Variants in ZNF687 observed in about 807,000 individuals in gnomAD.
ZNF687 encodes zinc finger protein 687.
Under a neutral mutation model 71.8 loss-of-function variants are expected in ZNF687, and 13 were observed. That is an observed-to-expected ratio of 0.18 (90% CI 0.12 to 0.29). The LOEUF is 0.29. Ranked by LOEUF, ZNF687 falls within the 10% of genes least tolerant of loss-of-function variation. The probability of loss-of-function intolerance (pLI) is 1.00; values close to 1 mark genes in which losing one functional copy is unlikely to be tolerated. For missense variants in ZNF687, 1,412 were observed against 1,625.6 expected, an observed-to-expected ratio of 0.87 and a Z score of 2.26; for synonymous variants, 673 against 641.6, an observed-to-expected ratio of 1.05 and a Z score of -0.74.
Position 151,287,482 on chromosome 1 carries a change from A to G in ZNF687, c.1191A>G (p.Lys397=). ...AGTTGGGTGATGGTACAAGGCTGAAAGGCACTGTGCTGCCTGTGGCCACCA... is the reference window on the plus strand; with the variant it reads ...AGTTGGGTGATGGTACAAGGCTGAAGGGCACTGTGCTGCCTGTGGCCACCA... The part of the protein sequence containing the change: ...SVQLGDGTRL[K]GTVLPVATIQ... Residue 397 remains lysine (K), a synonymous_variant, in exon 2 of 9, where the codon AAA becomes AAG. Coordinates refer to ENST00000336715, the MANE Select transcript of ZNF687 (RefSeq NM_020832.3). The surrounding 1 kb of genome is among the most constrained non-coding windows in gnomAD (Gnocchi z 5.0). The G allele has an allele frequency of 1.2e-6, 2 of 1,614,136 alleles. No individual in the cohort carries two copies. The highest frequency in any genetic ancestry group is 1.7e-6 in the Non-Finnish European group (2 of 1,180,034).
chr1:151,288,830 T>C, intron 3 of ZNF687, 124 bp downstream of exon 3: 1 of 1,257,338 alleles, frequency 8.0e-7, no homozygotes, highest in Admixed American at 2.4e-5. Context: ...TTTGCCAGAC[T>C]CAACCCTGAG....
chr1:151,288,172 T>C lies in ZNF687; in HGVS notation c.1881T>C (p.Pro627=). The stretch of plus-strand genomic sequence containing the variant: ...TAGCTGTCCCACCTGTCTCTGGACC[T>C]CTGGCCTTGCCTGCCTTGGGCAAGG... ...LPVAVPPVSG[P]LALPALGKGE... Residue 627 remains proline (P), a synonymous_variant, in exon 2 of 9, where the codon CCT becomes CCC. Transcript: ENST00000336715. 6.2e-7 allele frequency: 1 copy of C among 1,613,864 alleles called. No homozygotes were observed. Among genetic ancestry groups the C allele is most frequent in the East Asian group, 2.2e-5 (1 of 44,880 alleles).
chr1:151,282,379 C>T lies in ZNF687; in HGVS notation c.-34C>T, dbSNP rs1693746787. ...GTAGAGACCGCCGGGTCTCGGCCCG[C>T]ACCAGGAGCGGAACAAGTAAGCGTG... On this transcript the variant is annotated 5_prime_UTR_variant, in exon 1 of 9. Coordinates refer to ENST00000336715, the MANE Select transcript of ZNF687 (RefSeq NM_020832.3). 1.1e-5 allele frequency: 11 copies of T among 990,176 alleles called. No homozygotes were observed. Among genetic ancestry groups the T allele is most frequent in the Non-Finnish European group, 1.3e-5 (11 of 831,744 alleles). 61.3% of individuals were successfully genotyped at this position (990,176 alleles called of 1,614,324 possible). A position where few individuals can be genotyped will look rare whatever the true frequency, so the allele number is the denominator to read the frequency against.
rs149043825 is a variant in ZNF687, at chr1:151,287,152, A to C, written c.861A>C (p.Glu287Asp). Reference sequence around the variant, plus strand: ...CCGTCTGTCAGCCCTTGAAGGAAGAAGATGATGATGAGGGGCCAGTGGACA... The same window carrying C: ...CCGTCTGTCAGCCCTTGAAGGAAGACGATGATGATGAGGGGCCAGTGGACA... ...KVPVCQPLKE[E>D]DDDEGPVDKS... The change falls in exon 2 of 9, where the codon GAA becomes GAC. Residue 287 changes from glutamate to aspartate, a missense_variant. Glu to Asp is a conservative substitution (Grantham distance 45). Around this residue, in one of 8 missense-constraint regions of ZNF687, gnomAD observed 490 missense variants for 489.9 expected, o/e 1.00. Coordinates refer to ENST00000336715, the MANE Select transcript of ZNF687 (RefSeq NM_020832.3). This position sits in a 1 kb window ranked among gnomAD's most constrained non-coding sequence, Gnocchi z 5.0. The C allele has an allele frequency of 6.2e-7, 1 of 1,614,024 alleles. No individual in the cohort carries two copies. Among genetic ancestry groups the C allele is most frequent in the African/African-American group, 1.3e-5 (1 of 74,920 alleles).
At chr1:151,283,769 G>C (rs1404591522) in intron 1 of ZNF687, 4 of 923,492 alleles carry the variant, frequency 4.3e-6, no homozygotes, top group Non-Finnish European at 5.2e-6. Flanking sequence ...TAGGGTGGGG[G>C]TGAGGGGAGG....
chr1:151,285,982 A>G, intron 1 of ZNF687: 1 of 218,848 alleles, frequency 4.6e-6, no homozygotes, highest in Non-Finnish European at 8.9e-6. Context: ...AAACGCTGGG[A>G]TTACAAGCAT....
In ZNF687 at chr1:151,290,567, A is replaced by G. The variant is rs770255658; in HGVS notation, c.3213A>G (p.Arg1071=). ...CCTTGGCTCGGGGTTCCAGTGCCAG[A>G]GCCCAGGTAGGCAGAGGCCCGGCCT... The part of the protein sequence containing the change: ...GTTLARGSSA[R]AQGPGRKRRQ... Residue 1071 remains arginine (R), a synonymous_variant, in exon 8 of 9, where the codon AGA becomes AGG. Transcript: ENST00000336715. The G allele has an allele frequency of 1.3e-5, 21 of 1,613,076 alleles. No homozygotes were observed. Among genetic ancestry groups the G allele is most frequent in the Non-Finnish European group, 1.7e-5 (20 of 1,179,686 alleles).
In ZNF687 at chr1:151,286,346, C is replaced by G. The variant is rs753727185; in HGVS notation, c.55C>G (p.Pro19Ala). The change falls in exon 2 of 9, where the codon CCT (proline) becomes GCT (alanine). Residue 19 changes from proline to alanine, a missense_variant. Coordinates refer to ENST00000336715, the MANE Select transcript of ZNF687 (RefSeq NM_020832.3). ...FDDLLAAFDI[P>A]DIDANEAIHS... ...TGACCTCCTTGCTGCCTTTGACATC[C>G]CTGACATTGATGCGAATGAAGCCAT... 6.2e-7 allele frequency: 1 copy of G among 1,600,824 alleles called. No homozygotes were observed. The highest frequency in any genetic ancestry group is 1.1e-5 in the South Asian group (1 of 88,908).
At chr1:151,288,507 C>T (rs200047835) in intron 2 of ZNF687, 21 bp from the exon 3 acceptor site, 10 of 1,586,024 alleles carry the variant, frequency 6.3e-6, no homozygotes, top group Non-Finnish European at 8.6e-6. Context: ...ACCGACTTTC[C>T]TTGTTTAACC....
At chr1:151,282,641 C>A (rs1693764969) in intron 1 of ZNF687, among the ~76,000 whole-genome samples, 1 of 152,174 alleles carries the variant, frequency 6.6e-6, no homozygotes, top group African/African-American at 2.4e-5. Flanking sequence ...CAGGTCCTGG[C>A]GCCCCCGGCT....
chr1:151,291,346 A>C lies in ZNF687; in HGVS notation c.*137A>C. ...CTGTCTCTCCAACCTGAAGAAGAAG[A>C]GCATTTGAGGATTATTCTAGTTATT... is the stretch of plus-strand genomic sequence containing the variant. On this transcript the variant is annotated 3_prime_UTR_variant, in exon 9 of 9. Transcript: ENST00000336715. The C allele has an allele frequency of 8.2e-7, 1 of 1,216,086 alleles. No homozygotes were observed. The highest frequency in any genetic ancestry group is 1.5e-5 in the African/African-American group (1 of 65,434). The allele number at this position is 1,216,086 out of a possible 1,614,324, so 75.3% of individuals were successfully genotyped here.
chr1:151,282,012 G>A, upstream of ZNF687: 2 of 1,250,966 alleles, frequency 1.6e-6, no homozygotes, highest in Non-Finnish European at 2.1e-6. Context: ...AGCGACAGTG[G>A]CGGAGGCCAA....
chr1:151,287,727 C>T lies in ZNF687; in HGVS notation c.1436C>T (p.Ala479Val). 1.2e-6 allele frequency: 2 copies of T among 1,613,868 alleles called. No homozygotes were observed. The highest frequency in any genetic ancestry group is 2.2e-5 in the South Asian group (2 of 91,056). Residue 479 changes from alanine to valine, a missense_variant, in exon 2 of 9, where the codon GCT becomes GTT. Coordinates refer to ENST00000336715, the MANE Select transcript of ZNF687 (RefSeq NM_020832.3). The surrounding 1 kb of genome is among the most constrained non-coding windows in gnomAD (Gnocchi z 5.0). ...GTGATGGTGCAACCTTCAAAGACAGCTACTGGGCCAAGTACAGGGGGCGGC... is the reference window on the plus strand; with the variant it reads ...GTGATGGTGCAACCTTCAAAGACAGTTACTGGGCCAAGTACAGGGGGCGGC... ...SVVMVQPSKT[A>V]TGPSTGGGTV...
In ZNF687 at chr1:151,287,520, G is replaced by A; in HGVS notation, c.1229G>A (p.Ser410Asn). 6.2e-7 allele frequency: 1 copy of A among 1,614,166 alleles called. No homozygotes were observed. The highest frequency in any genetic ancestry group is 8.5e-7 in the Non-Finnish European group (1 of 1,180,038). Reference sequence around the variant, plus strand: ...CCTGTGGCCACCATCCAGAACGCCAGTACTGCCATGCTGATGGCAGCCAGT... The same window carrying A: ...CCTGTGGCCACCATCCAGAACGCCAATACTGCCATGCTGATGGCAGCCAGT... The part of the protein sequence containing the change: ...VLPVATIQNA[S>N]TAMLMAASVA... The change falls in exon 2 of 9, where the codon AGT (serine) becomes AAT (asparagine). Residue 410 changes from serine (S) to asparagine (N), a missense_variant. Coordinates refer to ENST00000336715, the MANE Select transcript of ZNF687 (RefSeq NM_020832.3). This position sits in a 1 kb window ranked among gnomAD's most constrained non-coding sequence, Gnocchi z 5.0.
intron 1 of ZNF687, among the ~76,000 whole-genome samples, chr1:151,284,773 G>C (rs1048020820): frequency 7.0e-6 from 1 of 143,568 alleles, no homozygotes; most frequent in Non-Finnish European, 1.5e-5. Flanking sequence ...ATGATACATA[G>C]ATCACTTGTG....
At chr1:151,282,081 T>A (rs777568586), upstream of ZNF687, 5 of 1,284,084 alleles carry the variant, frequency 3.9e-6, no homozygotes, top group South Asian at 2.5e-5. Context: ...TGGGGAGAGG[T>A]ATCTTCAGAG....
rs587706607 is a variant in ZNF687 at position 151,288,530 on chromosome 1, G to A, written c.2118G>A (p.Val706=). 2.5e-6 allele frequency: 4 copies of A among 1,602,254 alleles called. No individual in the cohort carries two copies. In the African/African-American group the frequency reaches 4.0e-5, roughly 16 times the overall value. The part of the protein sequence containing the change: ...GPPAPGATSN[V]CPTCPMMLPN... ...TCCTTGTTTAACCCACTCGACAGGT[G>A]TGCCCAACCTGCCCCATGATGCTCC... is the stretch of plus-strand genomic sequence containing the variant. Residue 706 remains valine, a splice_region_variant and synonymous_variant, in exon 3 of 9, where the codon GTG becomes GTA. Transcript: ENST00000336715.
intron 1 of ZNF687, among the ~76,000 whole-genome samples, chr1:151,282,843 C>T (rs769360677): frequency 5.2e-4 from 79 of 152,274 alleles, no homozygotes; most frequent in Non-Finnish European, 1.0e-3. Flanking sequence ...CCTGCGCACC[C>T]CCCGATCAGT....
At chr1:151,288,880 G>T (rs1694070706) in intron 3 of ZNF687, among the ~76,000 whole-genome samples, 174 bp downstream of exon 3, 1 of 152,146 alleles carries the variant, frequency 6.6e-6, no homozygotes, top group South Asian at 2.1e-4. Flanking sequence ...CATGGAGATG[G>T]GGGGAAGCAG....
Sources: gnomAD v4.1 joint callset for allele counts (sites outside exome capture counted in the v4.1 genomes callset) on GRCh38, gnomAD v4.1.1 for gene constraint, gnomAD v4.1.1 regional missense constraint, Gnocchi (gnomAD v3.1) non-coding constraint, MANE v1.5 for transcripts, NCBI Gene and HGNC (gene_info 2026-07-23, HGNC 2026-07-21) for gene names.